Variants in ABI1 observed in about 807,000 individuals in gnomAD.
The protein encoded by ABI1 is Abelson interactor 1.
ABI1 carries 14 observed loss-of-function variants against 54.6 expected under a neutral mutation model. That is an observed-to-expected ratio of 0.26 (90% confidence interval 0.17 to 0.40). The LOEUF (loss-of-function observed/expected upper bound fraction) is 0.40, where lower values mean the gene tolerates loss of function less well. ABI1 is among the 10% of genes least tolerant of loss of function. ABI1 has a pLI of 1.00. For synonymous variants in ABI1, 194 were observed against 209.3 expected, an observed-to-expected ratio of 0.93 and a Z score of 0.63; for missense variants, 443 against 598.3, an observed-to-expected ratio of 0.74 and a Z score of 2.71.
intron 9 of ABI1, among the ~76,000 whole-genome samples, chr10:26,753,394 G>A (rs1210308046): frequency 6.6e-6 from 1 of 152,172 alleles, no homozygotes; most frequent in Non-Finnish European, 1.5e-5. Flanking sequence ...GGCTTAATGT[G>A]TAAATTATGT....
chr10:26,823,614 C>T (rs1472513672), intron 1 of ABI1, among the ~76,000 whole-genome samples: 1 of 152,174 alleles, frequency 6.6e-6, no homozygotes, highest in Non-Finnish European at 1.5e-5. Context: ...CAATTCACTG[C>T]ATTACATCAT....
intron 1 of ABI1, chr10:26,839,858 C>A: frequency 2.9e-6 from 2 of 686,654 alleles, no homozygotes; most frequent in Admixed American, 2.1e-5. Context: ...AAAATGGTAG[C>A]ACGTGCCTGT....
At chr10:26,848,594 A>T (rs1032017150) in intron 1 of ABI1, among the ~76,000 whole-genome samples, 1 of 148,102 alleles carries the variant, frequency 6.8e-6, no homozygotes, top group African/African-American at 2.5e-5. Flanking sequence ...AGTATGCAAT[A>T]TAAGAAGAGG....
At chr10:26,854,538 CA>C (rs1268049740) in intron 1 of ABI1, among the ~76,000 whole-genome samples, 1 of 151,884 alleles carries the variant, frequency 6.6e-6, no homozygotes, top group Admixed American at 6.6e-5. Flanking sequence ...CACCTTGACA[CA>C]ACAGCATGAA....
intron 2 of ABI1, among the ~76,000 whole-genome samples, chr10:26,803,899 T>C (rs768849518): frequency 6.6e-6 from 1 of 151,826 alleles, no homozygotes; most frequent in Non-Finnish European, 1.5e-5. Context: ...AGAATAGCCA[T>C]TAAATAAGTA....
intron 1 of ABI1, among the ~76,000 whole-genome samples, chr10:26,827,234 T>A (rs1209892221): frequency 6.8e-6 from 1 of 146,494 alleles, no homozygotes; most frequent in Non-Finnish European, 1.5e-5. Flanking sequence ...TCTTTTTTTT[T>A]ATCTCGAGAC....
intron 2 of ABI1, among the ~76,000 whole-genome samples, chr10:26,777,864 C>A (rs1841616414): frequency 6.6e-6 from 1 of 152,072 alleles, no homozygotes; most frequent in Admixed American, 6.6e-5. Flanking sequence ...TGATGCAGAA[C>A]CTCCCCACAC....
intron 5 of ABI1, among the ~76,000 whole-genome samples, chr10:26,769,225 T>C (rs544300704): frequency 6.6e-6 from 1 of 152,194 alleles, no homozygotes; most frequent in African/African-American, 2.4e-5. Context: ...AAGGGTAATT[T>C]AAAGTCCTAA....
At chr10:26,796,206 TATTCAGA>T (rs1244441088) in intron 2 of ABI1, among the ~76,000 whole-genome samples, 2 of 152,158 alleles carry the variant, frequency 1.3e-5, no homozygotes, top group Admixed American at 1.3e-4. Flanking sequence ...AAATAGCAGA[TATTCAGA>T]ATAAGTTTAG....
chr10:26,786,625 T>G (rs994743034), intron 2 of ABI1, among the ~76,000 whole-genome samples: 6 of 152,114 alleles, frequency 3.9e-5, no homozygotes, highest in Non-Finnish European at 8.8e-5. Flanking sequence ...AATCCCTAAC[T>G]CCATAGAAGG....
intron 2 of ABI1, among the ~76,000 whole-genome samples, chr10:26,802,149 T>C (rs1006858927): frequency 2.0e-5 from 3 of 152,146 alleles, no homozygotes; most frequent in Non-Finnish European, 2.9e-5. Context: ...GGAGAGAACA[T>C]TTGTTATCCC....
chr10:26,841,399 C>CTTTTTTTTTTTTTTTTTTT (rs34398117), intron 1 of ABI1, among the ~76,000 whole-genome samples: 1 of 140,298 alleles, frequency 7.1e-6, no homozygotes, highest in African/African-American at 2.6e-5. Flanking sequence ...ACATAGTTAC[C>CTTTTTTTTTTTTTTTTTTT]TTTTTTTTTT....
At chr10:26,818,632 A>C (rs1461773774) in intron 2 of ABI1, among the ~76,000 whole-genome samples, 2 of 80,760 alleles carry the variant, frequency 2.5e-5, no homozygotes, top group African/African-American at 6.1e-5. Flanking sequence ...ACCCCGTCAC[A>C]AAAAAAAAAA....
chr10:26,847,252 T>G (rs2050049870), intron 1 of ABI1, among the ~76,000 whole-genome samples: 1 of 152,184 alleles, frequency 6.6e-6, no homozygotes, highest in Non-Finnish European at 1.5e-5. Context: ...CCAGTTTTCT[T>G]TGGGATCTTT....
At chr10:26,827,060 C>T (rs2094150) in intron 1 of ABI1, among the ~76,000 whole-genome samples, 27,034 of 151,294 alleles carry the variant, frequency 0.18, 2,547 homozygotes, top group Admixed American at 0.22. Context: ...ACTACAGGCA[C>T]GAGCCACCAT....
intron 1 of ABI1, among the ~76,000 whole-genome samples, chr10:26,832,398 C>T (rs1470455900): frequency 1.3e-5 from 2 of 151,896 alleles, no homozygotes; most frequent in African/African-American, 4.8e-5. Flanking sequence ...CTGGCTAACA[C>T]AATGAAACCC....
chr10:26,752,422 T>G (rs1451140179), intron 9 of ABI1, among the ~76,000 whole-genome samples: 2 of 152,200 alleles, frequency 1.3e-5, no homozygotes, highest in Admixed American at 1.3e-4. Flanking sequence ...AAAATCTAAT[T>G]GAGTATTTTT....
chr10:26,828,871 T>C (rs1321496696), intron 1 of ABI1, among the ~76,000 whole-genome samples: 2 of 152,228 alleles, frequency 1.3e-5, no homozygotes, highest in Non-Finnish European at 2.9e-5. Context: ...TGGTTCAAAA[T>C]AGATTTTGAC....
intron 2 of ABI1, among the ~76,000 whole-genome samples, chr10:26,817,894 G>A (rs917355820): frequency 1.3e-5 from 2 of 152,034 alleles, no homozygotes; most frequent in African/African-American, 2.4e-5. Context: ...GGTGGCTCAT[G>A]TCTGTAATCC....
Sources: gnomAD v4.1 joint callset for allele counts (sites outside exome capture counted in the v4.1 genomes callset) on GRCh38, gnomAD v4.1.1 for gene constraint, MANE v1.5 for transcripts, NCBI Gene and HGNC (gene_info 2026-07-23, HGNC 2026-07-21) for gene names.